VPS13B: variants seen among roughly 807,000 people sequenced by gnomAD.
The protein encoded by VPS13B is intermembrane lipid transfer protein VPS13B.
A neutral mutation model predicts 426.4 loss-of-function variants in VPS13B; 285 were observed. That is an observed-to-expected ratio of 0.67 (90% confidence interval 0.61 to 0.74). The LOEUF (loss-of-function observed/expected upper bound fraction) is 0.74. Among genes scored for constraint, VPS13B ranks in the 30% least tolerant of loss-of-function variants. The pLI, the probability that VPS13B is intolerant of heterozygous loss-of-function variation, is 0.00. For synonymous variants in VPS13B, 1,676 were observed against 1,676.4 expected, an observed-to-expected ratio of 1.00 and a Z score of 0.01; for missense variants, 4,537 against 4,782.6, an observed-to-expected ratio of 0.95 and a Z score of 1.51.
chr8:99,507,785 T>G, intron 28 of VPS13B: 1 of 1,614,060 alleles, frequency 6.2e-7, no homozygotes, highest in South Asian at 1.1e-5. Context: ...GGGAAGAGTG[T>G]TGGTCTTTGG....
intron 19 of VPS13B, among the ~76,000 whole-genome samples, chr8:99,336,055 A>C (rs1810845167): frequency 6.6e-6 from 1 of 152,220 alleles, no homozygotes; most frequent in Non-Finnish European, 1.5e-5. Context: ...CCGCATCGCC[A>C]AGTCAATCCT....
At chr8:99,251,890 T>C (rs908093962) in intron 17 of VPS13B, among the ~76,000 whole-genome samples, 1 of 151,954 alleles carries the variant, frequency 6.6e-6, no homozygotes, top group Non-Finnish European at 1.5e-5. Flanking sequence ...TTTTCAAAAT[T>C]AATCTTTTGA....
intron 33 of VPS13B, among the ~76,000 whole-genome samples, chr8:99,580,993 AC>A (rs1826027359): frequency 1.5e-5 from 2 of 132,780 alleles, no homozygotes; most frequent in African/African-American, 5.6e-5. Context: ...AAACACACAC[AC>A]ACACACACAC....
rs1327627185 is a variant in VPS13B at position 99,072,292 on chromosome 8, C to T, written c.292-24020C>T. 5.9e-5 allele frequency among the ~76,000 whole-genome samples: 9 copies of T among 151,996 alleles called. No homozygotes were observed. In the East Asian group the frequency reaches 7.7e-4, roughly 13 times the overall value. On this transcript the variant is annotated intron_variant, in intron 3 of 61. Coordinates refer to ENST00000357162, the MANE Select transcript of VPS13B (RefSeq NM_152564.5). ...CTGCCCAAGGGCTCCTTAGTCAGCG[C>T]GTTATGAATCCTGCCAAGACTGGTT... is the stretch of plus-strand genomic sequence containing the variant.
At chr8:99,111,454 C>A (rs1446512416) in intron 6 of VPS13B, among the ~76,000 whole-genome samples, 175 bp downstream of exon 6, 1 of 151,506 alleles carries the variant, frequency 6.6e-6, no homozygotes, top group Non-Finnish European at 1.5e-5. Context: ...TTATACATTT[C>A]TGTATAACGT....
chr8:99,708,693 G>T (rs998908581), intron 36 of VPS13B, among the ~76,000 whole-genome samples: 19 of 152,190 alleles, frequency 1.2e-4, no homozygotes, highest in South Asian at 4.1e-4. Context: ...AAGTTCATTT[G>T]TTGGGGAATA....
At chr8:99,103,988 C>G (rs1295905267) in intron 5 of VPS13B, among the ~76,000 whole-genome samples, 3 of 152,134 alleles carry the variant, frequency 2.0e-5, no homozygotes, top group Non-Finnish European at 4.4e-5. Context: ...TTGCCACATG[C>G]TTGTTTCAAA....
At chr8:99,151,619 C>CCGGGTTGCTTGA (rs895204676) in intron 14 of VPS13B, among the ~76,000 whole-genome samples, 20 of 152,126 alleles carry the variant, frequency 1.3e-4, no homozygotes, top group Non-Finnish European at 2.6e-4. Flanking sequence ...CAGCAACCTC[C>CCGGGTTGCTTGA]ACCTCCCGGG....
intron 35 of VPS13B, among the ~76,000 whole-genome samples, chr8:99,695,712 A>C (rs922504754): frequency 1.3e-5 from 2 of 148,178 alleles, no homozygotes; most frequent in Non-Finnish European, 3.0e-5. Context: ...AAAAAAAAAA[A>C]CTCCATACCA....
intron 17 of VPS13B, among the ~76,000 whole-genome samples, chr8:99,255,581 A>G (rs1817704037): frequency 6.6e-6 from 1 of 152,138 alleles, no homozygotes; most frequent in South Asian, 2.1e-4. Flanking sequence ...GGGATGTACA[A>G]ATCCAGGTTT....
At chr8:99,365,516 C>CTTCTTTTTTTTTTTTTTT (rs71273182) in intron 19 of VPS13B, among the ~76,000 whole-genome samples, 2 of 102,392 alleles carry the variant, frequency 2.0e-5, no homozygotes, top group Non-Finnish European at 3.7e-5. Context: ...TCTTCTTCTT[C>CTTCTTTTTTTTTTTTTTT]TTTTTTTTTT....
At chr8:99,078,296 C>A (rs1035364227) in intron 3 of VPS13B, among the ~76,000 whole-genome samples, 1 of 145,400 alleles carries the variant, frequency 6.9e-6, no homozygotes, top group African/African-American at 2.6e-5. Context: ...TCTAGTTTTG[C>A]GGATTGTCTT....
At chr8:99,690,421 A>C (rs927431016) in intron 35 of VPS13B, among the ~76,000 whole-genome samples, 3 of 152,250 alleles carry the variant, frequency 2.0e-5, no homozygotes, top group African/African-American at 7.2e-5. Flanking sequence ...TGACACCAAA[A>C]GCACAAGCAA....
intron 36 of VPS13B, among the ~76,000 whole-genome samples, chr8:99,705,265 G>C (rs2130227367): frequency 6.6e-6 from 1 of 152,132 alleles, no homozygotes; most frequent in Non-Finnish European, 1.5e-5. Context: ...TCTAAAAATT[G>C]GCTGGGAAAT....
At chr8:99,238,356 T>G (rs893399115) in intron 17 of VPS13B, among the ~76,000 whole-genome samples, 1 of 152,080 alleles carries the variant, frequency 6.6e-6, no homozygotes, top group African/African-American at 2.4e-5. Context: ...TATTTTCAGA[T>G]TTAGGAAACA....
intron 19 of VPS13B, among the ~76,000 whole-genome samples, chr8:99,339,537 GC>G (rs1230442400): frequency 1.3e-5 from 2 of 151,714 alleles, no homozygotes; most frequent in Non-Finnish European, 2.9e-5. Context: ...CTCCCACCAG[GC>G]CCCACCTCCA....
At chr8:99,199,104 T>G (rs1175866973) in intron 17 of VPS13B, among the ~76,000 whole-genome samples, 1 of 152,208 alleles carries the variant, frequency 6.6e-6, no homozygotes, top group African/African-American at 2.4e-5. Context: ...AATAAAGAGA[T>G]TATACAAGCT....
chr8:99,624,007 A>ATATTT (rs1206203704), intron 33 of VPS13B, among the ~76,000 whole-genome samples: 131 of 101,102 alleles, frequency 1.3e-3, no homozygotes, highest in African/African-American at 2.0e-3. Context: ...ATATATATAT[A>ATATTT]TTTTTTTTTT....
chr8:99,456,125 C>G (rs1386451519), intron 23 of VPS13B, among the ~76,000 whole-genome samples: 1 of 152,142 alleles, frequency 6.6e-6, no homozygotes, highest in Non-Finnish European at 1.5e-5. Context: ...TGCCCATCAT[C>G]ATTTTGAGAA....
Sources: gnomAD v4.1 joint callset for allele counts (sites outside exome capture counted in the v4.1 genomes callset) on GRCh38, gnomAD v4.1.1 for gene constraint, MANE v1.5 for transcripts, NCBI Gene and HGNC (gene_info 2026-07-23, HGNC 2026-07-21) for gene names.